The following UGT1A6 variants were observed in gnomAD, a reference collection of about 807,000 sequenced individuals.
The protein encoded by UGT1A6 is UDP-glucuronosyltransferase 1A6.
Under a neutral mutation model 44.4 loss-of-function variants are expected in UGT1A6, and 32 were observed. That is an observed-to-expected ratio of 0.72 (90% confidence interval 0.54 to 0.97). The LOEUF (loss-of-function observed/expected upper bound fraction) is 0.97. Among genes scored for constraint, UGT1A6 ranks in the 50% least tolerant of loss-of-function variants. The pLI is 0.00. For missense variants in UGT1A6, 685 were observed against 661.9 expected (o/e 1.03, Z -0.38); for synonymous variants, 238 against 248.5 (o/e 0.96, Z 0.40).
rs140860588 is a variant in UGT1A6 at position 233,718,960 on chromosome 2, C to T, written c.861+25095C>T. On this transcript the variant is annotated intron_variant, in intron 1 of 4. Coordinates refer to ENST00000305139, the MANE Select transcript of UGT1A6 (RefSeq NM_001072.4). ...AGCCCCTGGCTCAGCATGCGGGAGG[C>T]CTTGCGGGAGCTCCATGCCAGAGGC... 1.4e-4 allele frequency: 218 copies of T among 1,614,192 alleles called. No homozygotes were observed. The highest frequency in any genetic ancestry group is 1.5e-4 in the Non-Finnish European group (177 of 1,180,018).
At chr2:233,718,068 T>A in intron 1 of UGT1A6, 1 of 348,348 alleles carries the variant, frequency 2.9e-6, no homozygotes, top group Admixed American at 3.7e-5. Flanking sequence ...CGTGGGTCCT[T>A]GCTAGGGTTG....
intron 1 of UGT1A6, among the ~76,000 whole-genome samples, chr2:233,725,546 T>A (rs1230093464): frequency 2.0e-5 from 3 of 152,124 alleles, no homozygotes; most frequent in Non-Finnish European, 4.4e-5. Flanking sequence ...ATCACAAATA[T>A]TATCCTTTCA....
At chr2:233,716,161 G>A (rs1487983369) in intron 1 of UGT1A6, among the ~76,000 whole-genome samples, 1 of 152,116 alleles carries the variant, frequency 6.6e-6, no homozygotes, top group Non-Finnish European at 1.5e-5. Context: ...CCATGGAGAT[G>A]CAGTGCAGCA....
At chr2:233,758,431 A>C (rs1696879671) in intron 1 of UGT1A6, among the ~76,000 whole-genome samples, 1 of 152,228 alleles carries the variant, frequency 6.6e-6, no homozygotes, top group Admixed American at 6.5e-5. Context: ...ATGAACTCAC[A>C]CAGCATTGGG....
chr2:233,716,467 G>A (rs376929517), intron 1 of UGT1A6, among the ~76,000 whole-genome samples: 1 of 151,558 alleles, frequency 6.6e-6, no homozygotes, highest in African/African-American at 2.4e-5. Context: ...TTTAATTTTT[G>A]TTTCTGTCCT....
chr2:233,739,515 T>C (rs1354597011), intron 1 of UGT1A6, among the ~76,000 whole-genome samples: 1 of 152,234 alleles, frequency 6.6e-6, no homozygotes, highest in Non-Finnish European at 1.5e-5. Context: ...ATGTGAGACA[T>C]GAAGTCAAGG....
At chr2:233,744,388 A>G (rs1176772242) in intron 1 of UGT1A6, among the ~76,000 whole-genome samples, 1 of 151,864 alleles carries the variant, frequency 6.6e-6, no homozygotes, top group Non-Finnish European at 1.5e-5. Flanking sequence ...CCAACGTTCC[A>G]GCCCCGGTGC....
chr2:233,710,732 C>T (rs1375598699), intron 1 of UGT1A6, among the ~76,000 whole-genome samples: 1 of 152,164 alleles, frequency 6.6e-6, no homozygotes, highest in Non-Finnish European at 1.5e-5. Context: ...AAAACAACGT[C>T]TTTCAAGGAG....
intron 1 of UGT1A6, chr2:233,747,938 G>A (rs1693816643): frequency 2.5e-6 from 4 of 1,613,450 alleles, no homozygotes; most frequent in Non-Finnish European, 3.4e-6. Context: ...TTCAGAGGGA[G>A]GTGTCAGTGG....
chr2:233,729,639 T>A (rs765411725), intron 1 of UGT1A6: 2 of 1,613,956 alleles, frequency 1.2e-6, no homozygotes, highest in South Asian at 2.2e-5. Flanking sequence ...CTACTGTGTT[T>A]TTTTTGAGGA....
rs1440701846 is a variant in UGT1A6, at chr2:233,693,618, T to C, written c.614T>C (p.Phe205Ser). ...CYTKFSDHMT[F>S]SQRVANFLVN... ...ACAAAGTTTTCAGACCACATGACTT[T>C]TTCCCAACGAGTGGCCAACTTCCTT... is the stretch of plus-strand genomic sequence containing the variant. Residue 205 changes from phenylalanine to serine, a missense_variant, in exon 1 of 5, where the codon TTT becomes TCT. Phe to Ser is a radical substitution (Grantham distance 155). Coordinates refer to ENST00000305139, the MANE Select transcript of UGT1A6 (RefSeq NM_001072.4). 6.2e-7 allele frequency: 1 copy of C among 1,614,220 alleles called. No individual in the cohort carries two copies. Among genetic ancestry groups the C allele is most frequent in the Admixed American group, 1.7e-5 (1 of 60,026 alleles).
intron 1 of UGT1A6, among the ~76,000 whole-genome samples, chr2:233,709,390 A>G (rs2125615380): frequency 6.6e-6 from 1 of 152,282 alleles, no homozygotes; most frequent in East Asian, 1.9e-4. Flanking sequence ...ATTTCTTTTA[A>G]TAATCTATGG....
At chr2:233,712,956 G>T (rs1351747451) in intron 1 of UGT1A6, 1 of 1,612,860 alleles carries the variant, frequency 6.2e-7, no homozygotes, top group Non-Finnish European at 8.5e-7. Flanking sequence ...GGCACAACGT[G>T]GGGTGGACAG....
In UGT1A6 at chr2:233,729,602, C is replaced by T. The variant is rs746977069; in HGVS notation, c.861+35737C>T. 10 of 1,613,864 alleles carry T rather than the reference C, an allele frequency of 6.2e-6. No homozygotes were observed. Among genetic ancestry groups the T allele is most frequent in the African/African-American group, 5.3e-5 (4 of 74,870 alleles). On this transcript the variant is annotated intron_variant, in intron 1 of 4. Coordinates refer to ENST00000305139, the MANE Select transcript of UGT1A6 (RefSeq NM_001072.4). ...ACAGACCCCGTTAACCTCTGCGCGG[C>T]AGTGCTGGCTAAGTACCTGTCGATT...
chr2:233,771,951 C>T (rs1331596370), intron 4 of UGT1A6, among the ~76,000 whole-genome samples: 1 of 152,070 alleles, frequency 6.6e-6, no homozygotes, highest in African/African-American at 2.4e-5. Context: ...CTTGTTTCTA[C>T]AAAAAATTTA....
intron 1 of UGT1A6, among the ~76,000 whole-genome samples, chr2:233,698,915 G>A (rs1262646968): frequency 6.6e-6 from 1 of 152,234 alleles, no homozygotes; most frequent in African/African-American, 2.4e-5. Context: ...AAGGAGGGAC[G>A]TGGCCGTCTC....
intron 1 of UGT1A6, chr2:233,760,983 C>A: frequency 6.2e-7 from 1 of 1,614,178 alleles, no homozygotes; most frequent in Non-Finnish European, 8.5e-7. Context: ...CGTATGCAAC[C>A]CTTGCCTCAG....
At chr2:233,765,308 T>A (rs746475199) in intron 1 of UGT1A6, among the ~76,000 whole-genome samples, 3 of 152,234 alleles carry the variant, frequency 2.0e-5, no homozygotes, top group Non-Finnish European at 4.4e-5. Flanking sequence ...CATGCACATA[T>A]TTGTTTATTG....
chr2:233,730,559 G>A (rs1203367462), intron 1 of UGT1A6, among the ~76,000 whole-genome samples: 1 of 152,170 alleles, frequency 6.6e-6, no homozygotes, highest in Non-Finnish European at 1.5e-5. Context: ...ATTAGAGAAT[G>A]ACACACGAAG....
Sources: gnomAD v4.1 joint callset for allele counts (sites outside exome capture counted in the v4.1 genomes callset) on GRCh38, gnomAD v4.1.1 for gene constraint, MANE v1.5 for transcripts, NCBI Gene and HGNC (gene_info 2026-07-23, HGNC 2026-07-21) for gene names.